The following GPC5 variants were observed in gnomAD, a reference collection of about 807,000 sequenced individuals.
GPC5 encodes the protein glypican-5.
A neutral mutation model predicts 53.9 loss-of-function variants in GPC5; 47 were observed. The observed-to-expected ratio is 0.87, with a 90% CI of 0.69 to 1.11. The LOEUF is 1.11. GPC5 is among the 50% of genes most tolerant of loss of function. The pLI is 0.00. For synonymous variants in GPC5, 286 were observed against 263.3 expected (o/e 1.09, Z -0.84); for missense variants, 748 against 713.1 (o/e 1.05, Z -0.56).
chr13:91,469,106 C>T (rs505889), intron 2 of GPC5, among the ~76,000 whole-genome samples: 78,375 of 151,324 alleles, frequency 0.52, 21,039 homozygotes, highest in Non-Finnish European at 0.6. Flanking sequence ...TCTTCTCTCT[C>T]TTCCTTTTCT....
intron 7 of GPC5, among the ~76,000 whole-genome samples, chr13:92,170,958 T>C (rs1340119084): frequency 6.6e-6 from 1 of 152,168 alleles, no homozygotes; most frequent in East Asian, 1.9e-4. Flanking sequence ...TATTTTAAGA[T>C]TATGGGACTT....
chr13:92,744,987 A>AT (rs1481222103), intron 7 of GPC5, among the ~76,000 whole-genome samples: 2 of 152,044 alleles, frequency 1.3e-5, no homozygotes, highest in South Asian at 4.1e-4. Context: ...TCTAGTCCTT[A>AT]TTGTGTCCTC....
intron 7 of GPC5, among the ~76,000 whole-genome samples, chr13:92,193,890 C>T (rs893866076): frequency 5.9e-5 from 9 of 152,048 alleles, no homozygotes; most frequent in African/African-American, 1.9e-4. Flanking sequence ...TAATTACGTA[C>T]TGCTATATTT....
rs370227053 is a variant in GPC5 at position 92,626,314 on chromosome 13, C to T, written c.1562-239968C>T. On this transcript the variant is annotated intron_variant, in intron 7 of 7. Transcript: ENST00000377067. Reference sequence around the variant, plus strand: ...AGCAGTCAAGGAAGGATATGGATCTCATGTTCCAAGAGACTCATGCGGTGG... The same window carrying T: ...AGCAGTCAAGGAAGGATATGGATCTTATGTTCCAAGAGACTCATGCGGTGG... Among the ~76,000 whole-genome samples, 135 of 152,244 alleles carry T rather than the reference C, an allele frequency of 8.9e-4. 2 individuals are homozygous for T. The highest frequency in any genetic ancestry group is 2.8e-3 in the African/African-American group (115 of 41,542).
chr13:91,735,350 T>C (rs919765923), intron 4 of GPC5, among the ~76,000 whole-genome samples: 1 of 151,158 alleles, frequency 6.6e-6, no homozygotes, highest in African/African-American at 2.5e-5. Flanking sequence ...TCCCCCTTTG[T>C]GTTCTTTTCT....
At chr13:92,543,404 T>G (rs1308986752) in intron 7 of GPC5, among the ~76,000 whole-genome samples, 1 of 144,100 alleles carries the variant, frequency 6.9e-6, no homozygotes, top group Non-Finnish European at 1.5e-5. Flanking sequence ...TCAATGAGTT[T>G]CCTTAAAATA....
At chr13:92,248,593 CTT>C in intron 7 of GPC5, among the ~76,000 whole-genome samples, 1 of 152,232 alleles carries the variant, frequency 6.6e-6, no homozygotes, top group Non-Finnish European at 1.5e-5. Context: ...AGTAGAAACT[CTT>C]ATAAAAATTA....
intron 1 of GPC5, among the ~76,000 whole-genome samples, chr13:91,442,197 C>G (rs998159196): frequency 6.6e-6 from 1 of 152,150 alleles, no homozygotes; most frequent in African/African-American, 2.4e-5. Flanking sequence ...AAAACTTGAA[C>G]TTTTGTCAGT....
chr13:91,674,598 C>CAT (rs1272562102), intron 2 of GPC5, among the ~76,000 whole-genome samples: 2 of 145,562 alleles, frequency 1.4e-5, no homozygotes, highest in African/African-American at 2.5e-5. Flanking sequence ...TATATATACG[C>CAT]ATATATATGC....
At chr13:91,542,014 C>CTTAATATTAA (rs1272020684) in intron 2 of GPC5, among the ~76,000 whole-genome samples, 10 of 42,672 alleles carry the variant, frequency 2.3e-4, no homozygotes, top group South Asian at 1.7e-3. Flanking sequence ...CATTTGAGCT[C>CTTAATATTAA]TTAATATTAA....
chr13:91,443,281 G>A (rs1021662565), intron 1 of GPC5, among the ~76,000 whole-genome samples: 2 of 152,060 alleles, frequency 1.3e-5, no homozygotes, highest in Admixed American at 1.3e-4. Flanking sequence ...TTAATCCAAC[G>A]TGACTGTTGT....
chr13:92,307,110 C>T (rs1461057884), intron 7 of GPC5, among the ~76,000 whole-genome samples: 2 of 152,208 alleles, frequency 1.3e-5, no homozygotes, highest in African/African-American at 4.8e-5. Context: ...ATTTAACTTT[C>T]ATTGTGCCTC....
chr13:92,278,794 C>T (rs1355148301), intron 7 of GPC5, among the ~76,000 whole-genome samples: 2 of 151,962 alleles, frequency 1.3e-5, no homozygotes, highest in African/African-American at 4.8e-5. Context: ...ACTCCTCCCC[C>T]CGTTGACTTG....
chr13:91,881,581 T>C (rs1214749656), intron 5 of GPC5, among the ~76,000 whole-genome samples: 3 of 152,186 alleles, frequency 2.0e-5, no homozygotes, highest in East Asian at 1.9e-4. Flanking sequence ...TTTAGACCTT[T>C]ATACATCTAT....
intron 7 of GPC5, among the ~76,000 whole-genome samples, chr13:92,713,991 C>CT (rs1272874332): frequency 6.6e-6 from 1 of 152,158 alleles, no homozygotes; most frequent in African/African-American, 2.4e-5. Context: ...TAGTGATCCT[C>CT]TTTAACAAAT....
At chr13:92,617,263 TTGCCACCTAGAAATCA>T in intron 7 of GPC5, among the ~76,000 whole-genome samples, 1 of 152,188 alleles carries the variant, frequency 6.6e-6, no homozygotes, top group Non-Finnish European at 1.5e-5. Context: ...ACAACAAGTA[TTGCCACCTAGAAATCA>T]TGCTCTGTGT....
At chr13:92,045,595 T>C (rs1594741771) in intron 6 of GPC5, among the ~76,000 whole-genome samples, 1 of 152,134 alleles carries the variant, frequency 6.6e-6, no homozygotes, top group African/African-American at 2.4e-5. Context: ...CAAACACTTG[T>C]AGAGCTGTCT....
At chr13:92,444,593 C>G (rs1351627465) in intron 7 of GPC5, among the ~76,000 whole-genome samples, 1 of 151,388 alleles carries the variant, frequency 6.6e-6, no homozygotes, top group African/African-American at 2.4e-5. Flanking sequence ...ACCAGACAAG[C>G]CAGATAGAAT....
At chr13:92,229,173 G>A (rs1343263989) in intron 7 of GPC5, among the ~76,000 whole-genome samples, 1 of 152,052 alleles carries the variant, frequency 6.6e-6, no homozygotes, top group Non-Finnish European at 1.5e-5. Context: ...TGTTAAAGAT[G>A]TTAAGTGGGG....
Sources: allele counts gnomAD v4.1 joint callset (sites outside exome capture counted in the v4.1 genomes callset), GRCh38; gene constraint gnomAD v4.1.1; transcripts MANE v1.5; gene names NCBI Gene and HGNC (gene_info 2026-07-23, HGNC 2026-07-21).